Variants in GRIK2 observed in about 807,000 individuals in gnomAD.
The protein encoded by GRIK2 is glutamate receptor ionotropic, kainate 2.
Under a neutral mutation model 100.3 loss-of-function variants are expected in GRIK2, and 32 were observed. The observed-to-expected ratio is 0.32, with a 90% CI of 0.24 to 0.43. The LOEUF (loss-of-function observed/expected upper bound fraction) is 0.43. Among genes scored for constraint, GRIK2 ranks in the 20% least tolerant of loss-of-function variants. The probability of loss-of-function intolerance (pLI) is 1.00; values close to 1 mark genes in which losing one functional copy is unlikely to be tolerated. For missense variants in GRIK2, 843 were observed against 1,114.9 expected, an observed-to-expected ratio of 0.76 and a Z score of 3.47; for synonymous variants, 417 against 389.4, an observed-to-expected ratio of 1.07 and a Z score of -0.83.
At chr6:101,517,155 A>C (rs1206550275) in intron 2 of GRIK2, among the ~76,000 whole-genome samples, 1 of 152,132 alleles carries the variant, frequency 6.6e-6, no homozygotes. Flanking sequence ...ATAATGCTAA[A>C]TGGCAGACTT....
At chr6:101,999,869 T>C (rs1562100001) in intron 14 of GRIK2, among the ~76,000 whole-genome samples, 1 of 152,072 alleles carries the variant, frequency 6.6e-6, no homozygotes, top group Non-Finnish European at 1.5e-5. Context: ...TATTCTTTTT[T>C]AGTGTTTTAA....
At chr6:101,963,509 C>CTTTTTTTTTTTTTTTTTTTTTT (rs770178884) in intron 14 of GRIK2, among the ~76,000 whole-genome samples, 69 of 106,102 alleles carry the variant, frequency 6.5e-4, no homozygotes, top group Middle Eastern at 6.5e-3. Context: ...TTCTTTCTTT[C>CTTTTTTTTTTTTTTTTTTTTTT]TTTTTTTTTT....
chr6:101,837,554 GA>G (rs1005743939), intron 10 of GRIK2, among the ~76,000 whole-genome samples: 3 of 151,772 alleles, frequency 2.0e-5, no homozygotes, highest in Non-Finnish European at 4.4e-5. Context: ...AATAAAGCTG[GA>G]AAAAAAGAAA....
At position 101,648,499 on chromosome 6, in the gene GRIK2, G is replaced by A. The variant is rs1781634530; in HGVS notation, c.541+21862G>A. On this transcript the variant is annotated intron_variant, in intron 4 of 16. Coordinates refer to ENST00000369134, the MANE Select transcript of GRIK2 (RefSeq NM_021956.5). ...ATCTATGTAGAAATATTTTTCCTAA[G>A]TTATCATGGTTTCTCTGGGAAATGA... 2.6e-5 allele frequency among the ~76,000 whole-genome samples: 4 copies of A among 152,026 alleles called. No homozygotes were observed. The South Asian group carries it at 8.3e-4, about 32-fold the overall frequency.
chr6:101,529,549 A>G (rs1775323029), intron 2 of GRIK2, among the ~76,000 whole-genome samples: 1 of 152,072 alleles, frequency 6.6e-6, no homozygotes, highest in South Asian at 2.1e-4. Context: ...CTTGTGATAT[A>G]GTGTGCTCTG....
At chr6:102,002,751 A>G (rs1355766191) in intron 14 of GRIK2, among the ~76,000 whole-genome samples, 1 of 150,896 alleles carries the variant, frequency 6.6e-6, no homozygotes, top group African/African-American at 2.4e-5. Context: ...ACAATGATAA[A>G]AAAAACTCTC....
intron 2 of GRIK2, among the ~76,000 whole-genome samples, chr6:101,518,259 A>G (rs2128280497): frequency 6.6e-6 from 1 of 152,328 alleles, no homozygotes; most frequent in Non-Finnish European, 1.5e-5. Context: ...AATGTATTAT[A>G]GCATTTAATG....
intron 16 of GRIK2, among the ~76,000 whole-genome samples, chr6:102,066,817 C>T (rs1030965807): frequency 9.9e-5 from 15 of 151,554 alleles, no homozygotes; most frequent in African/African-American, 2.9e-4. Context: ...ATAGATTATC[C>T]GGGTAATTGT....
At chr6:101,609,851 A>G (rs1779595379) in intron 2 of GRIK2, among the ~76,000 whole-genome samples, 2 of 151,800 alleles carry the variant, frequency 1.3e-5, no homozygotes, top group African/African-American at 4.8e-5. Context: ...AGATGGTGTG[A>G]GAGGGAACTT....
At position 101,418,108 on chromosome 6, in the gene GRIK2, C is replaced by T. The variant is rs576615556; in HGVS notation, c.115+18716C>T. On this transcript the variant is annotated intron_variant, in intron 2 of 16. Transcript: ENST00000369134. ...ATCCACAGATCTGAGAGGAGGAAGG[C>T]AGGCAGGCACCTGTAATTATAGCAG... 1.5e-4 allele frequency among the ~76,000 whole-genome samples: 23 copies of T among 152,264 alleles called. 1 individual carries two copies. Among genetic ancestry groups the T allele is most frequent in the African/African-American group, 5.1e-4 (21 of 41,558 alleles).
At chr6:101,782,453 T>C (rs1028912723) in intron 7 of GRIK2, among the ~76,000 whole-genome samples, 1 of 152,206 alleles carries the variant, frequency 6.6e-6, no homozygotes, top group Non-Finnish European at 1.5e-5. Flanking sequence ...AGTGAGAACA[T>C]GTGATCTTAC....
chr6:101,735,800 A>G (rs1775593475), intron 7 of GRIK2, among the ~76,000 whole-genome samples: 1 of 152,136 alleles, frequency 6.6e-6, no homozygotes, highest in South Asian at 2.1e-4. Flanking sequence ...AAAACCAATC[A>G]TGCCTTCCCA....
chr6:101,614,239 A>G (rs1167372369), intron 2 of GRIK2, among the ~76,000 whole-genome samples: 1 of 151,798 alleles, frequency 6.6e-6, no homozygotes, highest in Non-Finnish European at 1.5e-5. Flanking sequence ...AAAAATATGC[A>G]TTAAGAACAA....
chr6:102,010,345 T>G (rs954347744), intron 14 of GRIK2, among the ~76,000 whole-genome samples: 1 of 145,236 alleles, frequency 6.9e-6, no homozygotes, highest in Non-Finnish European at 1.5e-5. Context: ...CATCCCGCCC[T>G]CCTTTCCTCC....
At chr6:101,893,350 ATAAC>A (rs775237020) in intron 12 of GRIK2, among the ~76,000 whole-genome samples, 14 of 151,712 alleles carry the variant, frequency 9.2e-5, no homozygotes, top group African/African-American at 3.4e-4. Context: ...AAGGCATAAA[ATAAC>A]TACCACTTTA....
intron 4 of GRIK2, among the ~76,000 whole-genome samples, chr6:101,642,148 C>T (rs1781300865): frequency 6.6e-6 from 1 of 151,750 alleles, no homozygotes; most frequent in African/African-American, 2.4e-5. Context: ...AAACAGAATT[C>T]TGTTTCAGAG....
intron 14 of GRIK2, among the ~76,000 whole-genome samples, chr6:101,938,768 T>C (rs898448693): frequency 4.6e-5 from 7 of 152,078 alleles, no homozygotes; most frequent in African/African-American, 2.4e-5. Flanking sequence ...TTGAGTTAAA[T>C]TATGGATGGT....
At chr6:101,503,967 A>T (rs1456183592) in intron 2 of GRIK2, among the ~76,000 whole-genome samples, 3 of 152,164 alleles carry the variant, frequency 2.0e-5, no homozygotes, top group African/African-American at 7.2e-5. Flanking sequence ...AGTGACTTGT[A>T]GCATCATTGT....
chr6:101,532,807 C>T (rs1324117484), intron 2 of GRIK2, among the ~76,000 whole-genome samples: 2 of 151,326 alleles, frequency 1.3e-5, no homozygotes, highest in Admixed American at 1.3e-4. Flanking sequence ...TAAACCAATG[C>T]AAAAATGCAG....
Sources: allele counts gnomAD v4.1 joint callset (sites outside exome capture counted in the v4.1 genomes callset), GRCh38; gene constraint gnomAD v4.1.1; transcripts MANE v1.5; gene names NCBI Gene and HGNC (gene_info 2026-07-23, HGNC 2026-07-21).